The following HACD1 variants were observed in gnomAD, a reference collection of about 807,000 sequenced individuals.
The protein encoded by HACD1 is 3-hydroxyacyl-CoA dehydratase 1, also known as very-long-chain (3R)-3-hydroxyacyl-CoA dehydratase 1.
HACD1 carries 41 observed loss-of-function variants against 32.0 expected under a neutral mutation model. The ratio of observed to expected loss-of-function variants is 1.28; its 90% confidence interval spans 1.00 to 1.66. The LOEUF (loss-of-function observed/expected upper bound fraction) is 1.66, where lower values mean the gene tolerates loss of function less well. Among genes scored for constraint, HACD1 ranks in the 40% most tolerant of loss-of-function variants. HACD1 has a pLI of 0.00. For missense variants in HACD1, 396 were observed against 380.1 expected (o/e 1.04, Z -0.35); for synonymous variants, 142 against 139.0 (o/e 1.02, Z -0.15).
intron 6 of HACD1, among the ~76,000 whole-genome samples, chr10:17,593,259 C>T (rs889246741): frequency 2.0e-5 from 3 of 151,724 alleles, no homozygotes; most frequent in Admixed American, 6.6e-5. Context: ...TGTATCATGT[C>T]GATGTAGATT....
chr10:17,599,453 C>T, intron 4 of HACD1, 42 bp from the exon 5 acceptor site: 2 of 1,584,236 alleles, frequency 1.3e-6, no homozygotes, highest in Non-Finnish European at 1.7e-6. Flanking sequence ...CAACCTAGAA[C>T]TTACTTTTCA....
intron 1 of HACD1, among the ~76,000 whole-genome samples, chr10:17,612,105 C>CA (rs34058469): frequency 0.017 from 1,805 of 103,700 alleles, 7 homozygotes; most frequent in Non-Finnish European, 0.026. Flanking sequence ...AACTCCATCT[C>CA]AAAAAAAAAA....
chr10:17,605,727 G>A (rs1380466241), intron 1 of HACD1, among the ~76,000 whole-genome samples: 3 of 151,930 alleles, frequency 2.0e-5, no homozygotes, highest in Non-Finnish European at 4.4e-5. Flanking sequence ...GTTGAGGTGG[G>A]TGGATCACCT....
intron 1 of HACD1, among the ~76,000 whole-genome samples, chr10:17,613,097 GGT>G (rs56074507): frequency 0.22 from 28,576 of 132,246 alleles, 2,937 homozygotes; most frequent in East Asian, 0.33. Flanking sequence ...TGCAATTTGG[GGT>G]GTGTGTGTGT....
rs1464676058 is a variant in HACD1 at position 17,615,898 on chromosome 10, C to G, written c.257+1185G>C. The stretch of plus-strand genomic sequence containing the variant: ...AGGAGAATCGCTTGAACTCCGGAGG[C>G]TGAGGTTGGCAGTGAGCGGAGATCG... On this transcript the variant is annotated intron_variant, in intron 1 of 6. Transcript: ENST00000361271. 3 of 418,346 alleles carry G rather than the reference C, an allele frequency of 7.2e-6. No individual in the cohort carries two copies. In the East Asian group the frequency reaches 2.6e-4, roughly 37 times the overall value. 25.9% of individuals were successfully genotyped at this position (418,346 alleles called of 1,614,324 possible). A position where few individuals can be genotyped will look rare whatever the true frequency, so the allele number is the denominator to read the frequency against.
intron 5 of HACD1, among the ~76,000 whole-genome samples, chr10:17,595,232 G>A (rs1176725081): frequency 2.6e-5 from 4 of 152,116 alleles, no homozygotes; most frequent in Non-Finnish European, 5.9e-5. Context: ...GCTTTTGTCC[G>A]CGGCAGCTAG....
chr10:17,616,498 A>C (rs1218179605), intron 1 of HACD1, among the ~76,000 whole-genome samples: 1 of 152,142 alleles, frequency 6.6e-6, no homozygotes, highest in Non-Finnish European at 1.5e-5. Flanking sequence ...TTGCAAAGTC[A>C]TACTCAAAGC....
intron 4 of HACD1, among the ~76,000 whole-genome samples, 165 bp from the exon 5 acceptor site, chr10:17,599,576 A>G (rs1834041150): frequency 6.6e-6 from 1 of 152,244 alleles, no homozygotes; most frequent in African/African-American, 2.4e-5. Flanking sequence ...AATTAATTAT[A>G]AACGTGGAAC....
At chr10:17,603,898 G>T (rs2131513009) in intron 2 of HACD1, 32 bp downstream of exon 2, 1 of 1,528,366 alleles carries the variant, frequency 6.5e-7, no homozygotes, top group Non-Finnish European at 9.0e-7. Context: ...AAATATTACA[G>T]CAATAGAAAA....
chr10:17,608,972 A>C (rs1834188332), intron 1 of HACD1, among the ~76,000 whole-genome samples: 1 of 152,136 alleles, frequency 6.6e-6, no homozygotes, highest in Admixed American at 6.6e-5. Flanking sequence ...AATTTCACTA[A>C]GATTAAGACA....
At chr10:17,609,185 T>G (rs1215019977) in intron 1 of HACD1, among the ~76,000 whole-genome samples, 1 of 149,760 alleles carries the variant, frequency 6.7e-6, no homozygotes, top group African/African-American at 2.5e-5. Flanking sequence ...GACAGAGTCT[T>G]GCTCTGTCAC....
At chr10:17,602,771 A>G (rs1170182446) in intron 4 of HACD1, 2 of 152,112 alleles carry the variant, frequency 1.3e-5, no homozygotes, top group Non-Finnish European at 2.9e-5. Flanking sequence ...AATTCCTCCT[A>G]ACTAAAATTT....
In HACD1 at chr10:17,590,346, CT is replaced by C. The variant is rs1833913007; in HGVS notation, c.*17del. The stretch of plus-strand genomic sequence containing the variant: ...ATCTTGGTTATTCTGGAAAAAGCAC[CT>C]TGTTTGCAGAGATCATTTAATCATC... On this transcript the variant is annotated 3_prime_UTR_variant, in exon 7 of 7. Coordinates refer to ENST00000361271, the MANE Select transcript of HACD1 (RefSeq NM_014241.4). The C allele has an allele frequency of 3.9e-6, 6 of 1,525,772 alleles. No individual in the cohort carries two copies. Among genetic ancestry groups the C allele is most frequent in the Non-Finnish European group, 3.6e-6 (4 of 1,126,364 alleles). 94.5% of individuals were successfully genotyped at this position (1,525,772 alleles called of 1,614,324 possible). A position where few individuals can be genotyped will look rare whatever the true frequency, so the allele number is the denominator to read the frequency against.
At chr10:17,605,717 G>C in intron 1 of HACD1, among the ~76,000 whole-genome samples, 1 of 151,472 alleles carries the variant, frequency 6.6e-6, no homozygotes, top group East Asian at 1.9e-4. Context: ...ACCTTGGAAG[G>C]TTGAGGTGGG....
chr10:17,616,935 G>A, intron 1 of HACD1, 148 bp downstream of exon 1: 1 of 701,276 alleles, frequency 1.4e-6, no homozygotes, highest in Non-Finnish European at 1.9e-6. Context: ...ATTCAACCCC[G>A]GCGGTGGCCG....
intron 1 of HACD1, 76 bp from the exon 2 acceptor site, chr10:17,604,123 G>T (rs549906127): frequency 1.8e-6 from 2 of 1,088,766 alleles, no homozygotes; most frequent in African/African-American, 1.6e-5. Flanking sequence ...TTACAGCAGC[G>T]TTATTCAAAA....
chr10:17,594,065 C>G (rs929462881), intron 6 of HACD1, 140 bp downstream of exon 6: 2 of 734,334 alleles, frequency 2.7e-6, no homozygotes, highest in Non-Finnish European at 1.9e-6. Flanking sequence ...CCCAAATTAT[C>G]AGTAAATATG....
chr10:17,602,462 T>A (rs868977147), intron 4 of HACD1, among the ~76,000 whole-genome samples: 1 of 152,178 alleles, frequency 6.6e-6, no homozygotes, highest in Non-Finnish European at 1.5e-5. Context: ...GATTCAATAA[T>A]TAGGTCTGTC....
chr10:17,593,728 G>A (rs1417230663), intron 6 of HACD1, among the ~76,000 whole-genome samples: 1 of 152,150 alleles, frequency 6.6e-6, no homozygotes, highest in Non-Finnish European at 1.5e-5. Flanking sequence ...TAAGAAAAGA[G>A]GCTTTATTAT....
Sources: gnomAD v4.1 joint callset for allele counts (sites outside exome capture counted in the v4.1 genomes callset) on GRCh38, gnomAD v4.1.1 for gene constraint, MANE v1.5 for transcripts, NCBI Gene and HGNC (gene_info 2026-07-23, HGNC 2026-07-21) for gene names.